The following SYNJ2BP variants were observed in gnomAD, a reference collection of about 807,000 sequenced individuals.
The protein encoded by SYNJ2BP is synaptojanin 2 binding protein, also known as synaptojanin-2-binding protein.
Under a neutral mutation model 16.9 loss-of-function variants are expected in SYNJ2BP, and 10 were observed. The ratio of observed to expected loss-of-function variants is 0.59; its 90% CI spans 0.36 to 1.00. The LOEUF is 1.00. Among genes scored for constraint, SYNJ2BP ranks in the 50% least tolerant of loss-of-function variants. The pLI, the probability that SYNJ2BP is intolerant of heterozygous loss-of-function variation, is 0.01. For synonymous variants in SYNJ2BP, 54 were observed against 68.4 expected (o/e 0.79, Z 1.04); for missense variants, 162 against 186.7 (o/e 0.87, Z 0.77).
At chr14:70,393,143 G>A (rs1172335531) in intron 1 of SYNJ2BP, among the ~76,000 whole-genome samples, 1 of 152,094 alleles carries the variant, frequency 6.6e-6, no homozygotes, top group Non-Finnish European at 1.5e-5. Flanking sequence ...TCAAAAAGTG[G>A]GCAAAGGATA....
chr14:70,404,945 G>A (rs568991649), intron 1 of SYNJ2BP, among the ~76,000 whole-genome samples: 3 of 152,226 alleles, frequency 2.0e-5, no homozygotes, highest in African/African-American at 7.2e-5. Flanking sequence ...GGGCAACATG[G>A]CAAAACCCCA....
At position 70,369,157 on chromosome 14, in the gene SYNJ2BP, C is replaced by T. The variant is rs1887461885; in HGVS notation, c.*3834G>A. 1 of 152,178 alleles carries T rather than the reference C, an allele frequency of 6.6e-6. No homozygotes were observed. Among genetic ancestry groups the T allele is most frequent in the Admixed American group, 6.6e-5 (1 of 15,264 alleles). 9.4% of individuals were successfully genotyped at this position (152,178 alleles called of 1,614,324 possible). ...TTTGAGACAAGGTCTCACTCCGTTG[C>T]TCAGGCTAGAATGAAGTGGAGCAAT... On this transcript the variant is annotated 3_prime_UTR_variant, in exon 4 of 4. Transcript: ENST00000256366.
At position 70,366,811 on chromosome 14, in the gene SYNJ2BP, AG is replaced by A. The variant is rs760095081; in HGVS notation, c.*6179del. The A allele has an allele frequency of 1.3e-5, 2 of 152,352 alleles. No homozygotes were observed. The highest frequency in any genetic ancestry group is 2.4e-5 in the African/African-American group (1 of 41,578). 9.4% of individuals were successfully genotyped at this position (152,352 alleles called of 1,614,324 possible). A position where few individuals can be genotyped will look rare whatever the true frequency, so the allele number is the denominator to read the frequency against. Reference sequence around the variant, plus strand: ...AAGCAGAAAGGAAGCAAAACAAAACAGGGTTCATGAGGAAAATAATCTTCTA... The same window carrying A: ...AAGCAGAAAGGAAGCAAAACAAAACAGGTTCATGAGGAAAATAATCTTCTA... On this transcript the variant is annotated 3_prime_UTR_variant, in exon 4 of 4. Coordinates refer to ENST00000256366, the MANE Select transcript of SYNJ2BP (RefSeq NM_018373.3).
intron 1 of SYNJ2BP, among the ~76,000 whole-genome samples, chr14:70,408,390 G>A (rs971754826): frequency 3.3e-5 from 5 of 152,142 alleles, no homozygotes; most frequent in African/African-American, 9.7e-5. Flanking sequence ...ACAAAAATCG[G>A]ACAGGCGTGG....
At chr14:70,395,593 C>T (rs1048747577) in intron 1 of SYNJ2BP, among the ~76,000 whole-genome samples, 1 of 152,164 alleles carries the variant, frequency 6.6e-6, no homozygotes, top group African/African-American at 2.4e-5. Context: ...CCATTGGATA[C>T]ACAACCCCCC....
At chr14:70,412,827 A>G (rs1888517594) in intron 1 of SYNJ2BP, among the ~76,000 whole-genome samples, 1 of 152,200 alleles carries the variant, frequency 6.6e-6, no homozygotes, top group Non-Finnish European at 1.5e-5. Flanking sequence ...ATTCCTAATC[A>G]TAGTACTCAA....
intron 1 of SYNJ2BP, among the ~76,000 whole-genome samples, chr14:70,399,607 C>T (rs1161466653): frequency 6.6e-6 from 1 of 152,250 alleles, no homozygotes; most frequent in Non-Finnish European, 1.5e-5. Flanking sequence ...GCAGCCACTC[C>T]TGCTGTCACT....
At chr14:70,393,994 A>G (rs1292402517) in intron 1 of SYNJ2BP, among the ~76,000 whole-genome samples, 3 of 151,774 alleles carry the variant, frequency 2.0e-5, no homozygotes, top group Non-Finnish European at 4.4e-5. Context: ...TTGAAACCAA[A>G]GGAAAAAAAA....
At position 70,416,986 on chromosome 14, in the gene SYNJ2BP, C is replaced by T. The variant is rs1280110112; in HGVS notation, c.-23G>A. 1 of 1,614,160 alleles carries T rather than the reference C, an allele frequency of 6.2e-7. No homozygotes were observed. Among genetic ancestry groups the T allele is most frequent in the South Asian group, 1.1e-5 (1 of 91,078 alleles). On this transcript the variant is annotated 5_prime_UTR_variant, in exon 1 of 4. Coordinates refer to ENST00000256366, the MANE Select transcript of SYNJ2BP (RefSeq NM_018373.3). Reference sequence around the variant, plus strand: ...CATGTTTTACAGCTCGTCTGGCTTCCTACTTGGGTCAGCTGGAGTGCAGCA... The same window carrying T: ...CATGTTTTACAGCTCGTCTGGCTTCTTACTTGGGTCAGCTGGAGTGCAGCA...
At chr14:70,409,294 C>T (rs1888418347) in intron 1 of SYNJ2BP, among the ~76,000 whole-genome samples, 1 of 152,170 alleles carries the variant, frequency 6.6e-6, no homozygotes, top group South Asian at 2.1e-4. Flanking sequence ...ATAGTGTAGG[C>T]ACATAATAAA....
chr14:70,406,596 C>G (rs1023641243), intron 1 of SYNJ2BP, among the ~76,000 whole-genome samples: 1 of 152,194 alleles, frequency 6.6e-6, no homozygotes, highest in Admixed American at 6.5e-5. Context: ...GGGATAACAT[C>G]GCGATTGTAA....
rs1409490754 is a variant in SYNJ2BP, at chr14:70,371,891, T to A, written c.*1100A>T. 1 of 152,194 alleles carries A rather than the reference T, an allele frequency of 6.6e-6. No homozygotes were observed. Among genetic ancestry groups the A allele is most frequent in the Non-Finnish European group, 1.5e-5 (1 of 68,042 alleles). The allele number at this position is 152,194 out of a possible 1,614,324, so 9.4% of individuals were successfully genotyped here. A position where few individuals can be genotyped will look rare whatever the true frequency, so the allele number is the denominator to read the frequency against. ...TTTAGAGTTTTCTTGCTGGGGTGTT[T>A]GGCTCCAGCACTATAGCCCTTACCA... On this transcript the variant is annotated 3_prime_UTR_variant, in exon 4 of 4. Coordinates refer to ENST00000256366, the MANE Select transcript of SYNJ2BP (RefSeq NM_018373.3).
Position 70,372,954 on chromosome 14 carries a change from G to A in SYNJ2BP, c.*37C>T, listed in dbSNP as rs751538982. 35 of 1,611,600 alleles carry A rather than the reference G, an allele frequency of 2.2e-5. No individual in the cohort carries two copies. Among genetic ancestry groups the A allele is most frequent in the African/African-American group, 4.0e-5 (3 of 74,880 alleles). On this transcript the variant is annotated 3_prime_UTR_variant, in exon 4 of 4. Coordinates refer to ENST00000256366, the MANE Select transcript of SYNJ2BP (RefSeq NM_018373.3). ...AGCAGGGGTGGAGGGTGAGTGAAATGTATCTTCATTGGGAGTATTGAAAGA... is the reference window on the plus strand; with the variant it reads ...AGCAGGGGTGGAGGGTGAGTGAAATATATCTTCATTGGGAGTATTGAAAGA...
intron 1 of SYNJ2BP, among the ~76,000 whole-genome samples, chr14:70,390,056 T>C (rs142621023): frequency 1.2e-4 from 18 of 151,904 alleles, no homozygotes; most frequent in African/African-American, 3.9e-4. Context: ...AAACAAAATA[T>C]TAAAAGAAAG....
At chr14:70,406,476 A>G (rs541865664) in intron 1 of SYNJ2BP, among the ~76,000 whole-genome samples, 33 of 152,328 alleles carry the variant, frequency 2.2e-4, no homozygotes, top group African/African-American at 7.7e-4. Flanking sequence ...TTGCTTGGGG[A>G]CTATACTGCC....
chr14:70,366,536 C>G lies in SYNJ2BP; in HGVS notation c.*6455G>C, dbSNP rs576093837. ...GACAAAGTTTTATTAAATACCAATA[C>G]TGGCTAGGCACAATTAGACACATTA... On this transcript the variant is annotated 3_prime_UTR_variant, in exon 4 of 4. Transcript: ENST00000256366. 4.6e-5 allele frequency: 7 copies of G among 152,168 alleles called. No individual in the cohort carries two copies. The highest frequency in any genetic ancestry group is 8.8e-5 in the Non-Finnish European group (6 of 68,026). The allele number at this position is 152,168 out of a possible 1,614,324, so 9.4% of individuals were successfully genotyped here.
At chr14:70,390,375 A>G (rs1887953656) in intron 1 of SYNJ2BP, among the ~76,000 whole-genome samples, 1 of 152,164 alleles carries the variant, frequency 6.6e-6, no homozygotes, top group South Asian at 2.1e-4. Context: ...ACTTAAAGAG[A>G]CATATGCGGG....
intron 2 of SYNJ2BP, among the ~76,000 whole-genome samples, chr14:70,383,960 AT>A (rs34105178): frequency 0.38 from 54,081 of 143,940 alleles, 11,938 homozygotes; most frequent in Non-Finnish European, 0.5. Flanking sequence ...AGAGGAAACT[AT>A]TTTTTTTTTT....
intron 1 of SYNJ2BP, among the ~76,000 whole-genome samples, chr14:70,389,148 T>C (rs1433058472): frequency 6.6e-6 from 1 of 152,140 alleles, no homozygotes; most frequent in African/African-American, 2.4e-5. Context: ...TTTGATCCTG[T>C]TGATGGTATT....
Sources: gnomAD v4.1 joint callset for allele counts (sites outside exome capture counted in the v4.1 genomes callset) on GRCh38, gnomAD v4.1.1 for gene constraint, MANE v1.5 for transcripts, NCBI Gene and HGNC (gene_info 2026-07-23, HGNC 2026-07-21) for gene names.